The following DGKD variants were observed in gnomAD, a reference collection of about 807,000 sequenced individuals.
DGKD encodes the protein DAG kinase delta.
A neutral mutation model predicts 154.4 loss-of-function variants in DGKD; 68 were observed. The ratio of observed to expected loss-of-function variants is 0.44; its 90% CI spans 0.36 to 0.54. The LOEUF (loss-of-function observed/expected upper bound fraction) is 0.54, where lower values mean the gene tolerates loss of function less well. Ranked by LOEUF, DGKD falls within the 20% of genes least tolerant of loss-of-function variation. The pLI, the probability that DGKD is intolerant of heterozygous loss-of-function variation, is 0.00. For missense variants in DGKD, 1,343 were observed against 1,593.6 expected, an observed-to-expected ratio of 0.84 and a Z score of 2.68; for synonymous variants, 693 against 638.0, an observed-to-expected ratio of 1.09 and a Z score of -1.30.
At chr2:233,418,029 T>A (rs1040556965) in intron 3 of DGKD, among the ~76,000 whole-genome samples, 1 of 152,364 alleles carries the variant, frequency 6.6e-6, no homozygotes, top group South Asian at 2.1e-4. Flanking sequence ...TTTCTGTGAA[T>A]ATTATTAAAT....
chr2:233,451,886 C>T, intron 17 of DGKD, 78 bp from the exon 18 acceptor site: 1 of 1,217,740 alleles, frequency 8.2e-7, no homozygotes, highest in South Asian at 1.3e-5. Flanking sequence ...TACCGGTCCA[C>T]CAGCTTCAGA....
chr2:233,442,169 C>T lies in DGKD; in HGVS notation c.1194+174C>T, dbSNP rs1575128953. ...CAGGGCAGAGAGGGGAGAGCCTGGG[C>T]CACCCCCTGGCATTGTGGAGGCCCG... On this transcript the variant is annotated intron_variant, in intron 10 of 29. Coordinates refer to ENST00000264057, the MANE Select transcript of DGKD (RefSeq NM_152879.3). The T allele has an allele frequency of 8.4e-6, 6 of 718,532 alleles. No homozygotes were observed. In the East Asian group the frequency reaches 1.6e-4, roughly 20 times the overall value. 44.5% of individuals were successfully genotyped at this position (718,532 alleles called of 1,614,324 possible). A position where few individuals can be genotyped will look rare whatever the true frequency, so the allele number is the denominator to read the frequency against.
At chr2:233,356,420 T>G (rs1477739579) in intron 1 of DGKD, among the ~76,000 whole-genome samples, 1 of 152,170 alleles carries the variant, frequency 6.6e-6, no homozygotes, top group Admixed American at 6.5e-5. Flanking sequence ...TGGGAAGATC[T>G]CCACATAGCC....
At chr2:233,412,145 G>T (rs2061844987) in intron 3 of DGKD, among the ~76,000 whole-genome samples, 1 of 152,080 alleles carries the variant, frequency 6.6e-6, no homozygotes, top group Admixed American at 6.5e-5. Context: ...TATAAGTGAG[G>T]CCTGCTAGAA....
intron 3 of DGKD, among the ~76,000 whole-genome samples, chr2:233,427,339 T>C (rs1404665805): frequency 9.1e-5 from 2 of 22,020 alleles, no homozygotes; most frequent in African/African-American, 6.3e-4. Flanking sequence ...TTGCCCTGCT[T>C]TTTTTTTTTT....
At chr2:233,358,121 T>C (rs1280984582) in intron 1 of DGKD, among the ~76,000 whole-genome samples, 2 of 152,228 alleles carry the variant, frequency 1.3e-5, no homozygotes, top group East Asian at 3.8e-4. Context: ...TTGTATTTCC[T>C]GACTACAGTA....
Position 233,449,672 on chromosome 2 carries a change from G to A in DGKD, c.1888+296G>A, listed in dbSNP as rs1046631014. ...GCCTTGAGGTCACGGCCTCACACCC[G>A]CACACCTGCGTGTCCATGCAGCCGC... On this transcript the variant is annotated intron_variant, in intron 15 of 29. Coordinates refer to ENST00000264057, the MANE Select transcript of DGKD (RefSeq NM_152879.3). The surrounding 1 kb of genome is among the most constrained non-coding windows in gnomAD (Gnocchi z 5.3). Among the ~76,000 whole-genome samples, 5 of 152,002 alleles carry A rather than the reference G, an allele frequency of 3.3e-5. No homozygotes were observed. The highest frequency in any genetic ancestry group is 6.5e-5 in the Admixed American group (1 of 15,272).
intron 3 of DGKD, among the ~76,000 whole-genome samples, chr2:233,421,896 G>A (rs1174351004): frequency 1.3e-5 from 2 of 152,234 alleles, no homozygotes; most frequent in African/African-American, 4.8e-5. Flanking sequence ...TATTTCTGAG[G>A]AAGAAAGAAA....
chr2:233,450,282 G>A, intron 16 of DGKD, 151 bp downstream of exon 16: 1 of 1,048,502 alleles, frequency 9.5e-7, no homozygotes, highest in Non-Finnish European at 1.3e-6. Context: ...GCCTGTTTCT[G>A]TGCATCTCCT....
chr2:233,391,411 T>TC (rs112375518), intron 3 of DGKD, among the ~76,000 whole-genome samples: 31,255 of 151,558 alleles, frequency 0.21, 3,563 homozygotes, highest in African/African-American at 0.32. Context: ...TGTGTTTTTT[T>TC]CCCCCCCCAG....
chr2:233,369,123 T>C (rs55983182), intron 1 of DGKD, among the ~76,000 whole-genome samples: 33,478 of 152,170 alleles, frequency 0.22, 4,341 homozygotes, highest in African/African-American at 0.36. Context: ...CTGCCTCTCA[T>C]ATTGCATCTC....
intron 17 of DGKD, 88 bp downstream of exon 17, chr2:233,451,138 G>C (rs757927576): frequency 1.8e-4 from 260 of 1,460,294 alleles, no homozygotes; most frequent in Non-Finnish European, 2.2e-4. Flanking sequence ...CGCTGCCCTC[G>C]GAGAGTTTAC....
chr2:233,434,986 C>G, intron 5 of DGKD, 85 bp downstream of exon 5: 1 of 1,534,764 alleles, frequency 6.5e-7, no homozygotes, highest in Non-Finnish European at 8.8e-7. Flanking sequence ...ACCCAGTCAC[C>G]ATAAATAAGC....
At chr2:233,418,848 C>T (rs913661138) in intron 3 of DGKD, among the ~76,000 whole-genome samples, 1 of 152,150 alleles carries the variant, frequency 6.6e-6, no homozygotes, top group Non-Finnish European at 1.5e-5. Context: ...AGCTGGTGGG[C>T]TGGGCGGGGT....
intron 10 of DGKD, among the ~76,000 whole-genome samples, chr2:233,442,766 C>T (rs1214683588): frequency 1.3e-5 from 2 of 152,098 alleles, no homozygotes; most frequent in South Asian, 2.1e-4. Flanking sequence ...CTACCACGCC[C>T]AGCTAATTTT....
At chr2:233,386,034 G>T in intron 1 of DGKD, 1 of 467,544 alleles carries the variant, frequency 2.1e-6, no homozygotes. Context: ...GCAGTGAGTT[G>T]TGTTTTAATT....
Position 233,434,792 on chromosome 2 carries a change from C to T in DGKD, c.477C>T (p.His159=). 6.2e-7 allele frequency: 1 copy of T among 1,614,196 alleles called. No homozygotes were observed. The highest frequency in any genetic ancestry group is 8.5e-7 in the Non-Finnish European group (1 of 1,180,016). Residue 159 remains histidine, a synonymous_variant, in exon 5 of 30, where the codon CAC becomes CAT. Transcript: ENST00000264057. ...AGCCCACCCAGTACAGCATGGACCA[C>T]TTCTCAGGGATGCACAATTGGTACG... ...HFEPTQYSMD[H]FSGMHNWYAC...
At chr2:233,461,866 C>T (rs1340986002) in intron 24 of DGKD, among the ~76,000 whole-genome samples, 2 of 152,250 alleles carry the variant, frequency 1.3e-5, no homozygotes, top group Non-Finnish European at 2.9e-5. Context: ...GTGCTCTCAC[C>T]GTCTTCCCTA....
At chr2:233,406,485 T>TA (rs1305077136) in intron 3 of DGKD, among the ~76,000 whole-genome samples, 2 of 152,208 alleles carry the variant, frequency 1.3e-5, no homozygotes, top group Non-Finnish European at 2.9e-5. Flanking sequence ...GTGAGTCTTC[T>TA]AGTCTAAGAG....
Sources: gnomAD v4.1 joint callset for allele counts (sites outside exome capture counted in the v4.1 genomes callset) on GRCh38, gnomAD v4.1.1 for gene constraint, Gnocchi (gnomAD v3.1) non-coding constraint, MANE v1.5 for transcripts, NCBI Gene and HGNC (gene_info 2026-07-23, HGNC 2026-07-21) for gene names.